The following BRAF variants were observed in gnomAD, a reference collection of about 807,000 sequenced individuals.
BRAF encodes the protein B-Raf proto-oncogene, serine/threonine kinase.
A neutral mutation model predicts 104.6 loss-of-function variants in BRAF; 16 were observed. That is an observed-to-expected ratio of 0.15 (90% CI 0.10 to 0.23). The LOEUF (loss-of-function observed/expected upper bound fraction) is 0.23. BRAF is among the 10% of genes least tolerant of loss of function. The pLI is 1.00. For synonymous variants in BRAF, 310 were observed against 341.6 expected, an observed-to-expected ratio of 0.91 and a Z score of 1.02; for missense variants, 541 against 937.3, an observed-to-expected ratio of 0.58 and a Z score of 5.52.
intron 18 of BRAF, among the ~76,000 whole-genome samples, chr7:140,739,005 G>A (rs1230268850): frequency 6.7e-6 from 1 of 149,950 alleles, no homozygotes; most frequent in Non-Finnish European, 1.5e-5. Flanking sequence ...CAAGAATTAG[G>A]TAAAGGCAGG....
chr7:140,906,036 C>T (rs1345751666), intron 1 of BRAF, among the ~76,000 whole-genome samples: 3 of 130,482 alleles, frequency 2.3e-5, no homozygotes, highest in South Asian at 2.5e-4. Flanking sequence ...TGCAGTGAGC[C>T]GAGATCCCGC....
At chr7:140,753,544 T>A in intron 15 of BRAF, 151 bp from the exon 15 acceptor site, 1 of 585,142 alleles carries the variant, frequency 1.7e-6, no homozygotes, top group Non-Finnish European at 3.0e-6. Flanking sequence ...TTAGAGTCAA[T>A]AAGTATGTCT....
chr7:140,832,840 G>A (rs1295710415), intron 3 of BRAF, among the ~76,000 whole-genome samples: 7 of 150,876 alleles, frequency 4.6e-5, no homozygotes, highest in South Asian at 2.1e-4. Context: ...AATTTCTCTT[G>A]GCCTCTCTCA....
chr7:140,722,170 G>C lies in BRAF; in HGVS notation c.*4324C>G. ...GTCACTGAACTATATTTGCAACCTA[G>C]TTGCTCTATGTGATAAATATATCTG... On this transcript the variant is annotated 3_prime_UTR_variant, in exon 20 of 20. Transcript: ENST00000644969. 3 of 1,061,326 alleles carry C rather than the reference G, an allele frequency of 2.8e-6. No individual in the cohort carries two copies. Among genetic ancestry groups the C allele is most frequent in the Non-Finnish European group, 3.4e-6 (3 of 876,754 alleles). The allele number at this position is 1,061,326 out of a possible 1,614,324, so 65.7% of individuals were successfully genotyped here. A position where few individuals can be genotyped will look rare whatever the true frequency, so the allele number is the denominator to read the frequency against.
At chr7:140,882,614 G>A (rs1450984718) in intron 1 of BRAF, among the ~76,000 whole-genome samples, 1 of 151,956 alleles carries the variant, frequency 6.6e-6, no homozygotes, top group Non-Finnish European at 1.5e-5. Context: ...CAGACCTTAG[G>A]TGATCTACCT....
downstream of BRAF, among the ~76,000 whole-genome samples, chr7:140,718,307 T>C (rs1795181429): frequency 6.6e-6 from 1 of 152,058 alleles, no homozygotes; most frequent in Non-Finnish European, 1.5e-5. Flanking sequence ...TTGCCCAGGC[T>C]GGAGTGCAAT....
At chr7:140,744,562 A>AAACTCTGC (rs1797195961) in intron 17 of BRAF, among the ~76,000 whole-genome samples, 1 of 152,242 alleles carries the variant, frequency 6.6e-6, no homozygotes, top group African/African-American at 2.4e-5. Flanking sequence ...GGGGACTACT[A>AAACTCTGC]AACTCTGCAT....
rs1795226116 is a variant in BRAF, at chr7:140,719,610, G to A, written c.*6884C>T. 9.4e-7 allele frequency: 1 copy of A among 1,062,090 alleles called. No individual in the cohort carries two copies. The highest frequency in any genetic ancestry group is 1.6e-5 in the African/African-American group (1 of 60,972). The allele number at this position is 1,062,090 out of a possible 1,614,324, so 65.8% of individuals were successfully genotyped here. A position where few individuals can be genotyped will look rare whatever the true frequency, so the allele number is the denominator to read the frequency against. Reference sequence around the variant, plus strand: ...ACCAAAGTATCAGGAAGTGGGTATGGGGGAGAATTAAAAAAAATAATAAAA... The same window carrying A: ...ACCAAAGTATCAGGAAGTGGGTATGAGGGAGAATTAAAAAAAATAATAAAA... On this transcript the variant is annotated 3_prime_UTR_variant, in exon 20 of 20. Transcript: ENST00000644969.
intron 1 of BRAF, among the ~76,000 whole-genome samples, chr7:140,891,584 G>A (rs1345982998): frequency 6.6e-6 from 1 of 152,046 alleles, no homozygotes; most frequent in Admixed American, 6.6e-5. Context: ...AGATATGGAG[G>A]GCCACTGTAG....
At chr7:140,872,506 C>T (rs1203144185) in intron 1 of BRAF, among the ~76,000 whole-genome samples, 1 of 152,026 alleles carries the variant, frequency 6.6e-6, no homozygotes, top group African/African-American at 2.4e-5. Context: ...AAGAATTTCT[C>T]CTTGAGCCAA....
chr7:140,739,156 C>T lies in BRAF; in HGVS notation c.2247+656G>A, dbSNP rs554300681. Among the ~76,000 whole-genome samples, 14 of 151,828 alleles carry T rather than the reference C, an allele frequency of 9.2e-5. No individual in the cohort carries two copies. The South Asian group carries it at 2.5e-3, about 27-fold the overall frequency. On this transcript the variant is annotated intron_variant, in intron 18 of 19. Coordinates refer to ENST00000644969, the MANE Select transcript of BRAF (RefSeq NM_001374258.1). ...AAGCAGTGGTTCACAAAATGTGGTC[C>T]GTGGACCACCAGGGGATCCACGAGG...
chr7:140,850,784 G>A (rs1375520981), intron 1 of BRAF, among the ~76,000 whole-genome samples: 7 of 152,128 alleles, frequency 4.6e-5, no homozygotes, highest in Non-Finnish European at 1.0e-4. Context: ...CAGGGGTTAG[G>A]TGGGCATAGA....
At chr7:140,753,788 A>G (rs1797979900) in intron 15 of BRAF, 1 of 311,486 alleles carries the variant, frequency 3.2e-6, no homozygotes, top group Admixed American at 4.8e-5. Context: ...GCACTTAGGG[A>G]AGAGAAATAT....
In BRAF at chr7:140,732,170, C is replaced by CA. The variant is rs61727494; in HGVS notation, c.2401+2446dup. On this transcript the variant is annotated intron_variant, in intron 19 of 19. Transcript: ENST00000644969. ...TGGGCGACAGAGCGAGACTCTGTCT[C>CA]AAAAAAAAAAAAAAAAAAAAAAAAA... The CA allele has an allele frequency of 2.0e-3, 48 of 23,692 alleles. 12 individuals are homozygous for CA. The highest frequency in any genetic ancestry group is 4.8e-3 in the Non-Finnish European group (36 of 7,522). The allele number at this position is 23,692 out of a possible 1,614,324, so 1.5% of individuals were successfully genotyped here.
At chr7:140,873,523 C>G (rs1355688486) in intron 1 of BRAF, among the ~76,000 whole-genome samples, 1 of 152,116 alleles carries the variant, frequency 6.6e-6, no homozygotes, top group East Asian at 1.9e-4. Flanking sequence ...GATGACTGAC[C>G]AATCTCTCCC....
At chr7:140,831,777 A>AAT (rs1343772673) in intron 3 of BRAF, among the ~76,000 whole-genome samples, 1 of 152,242 alleles carries the variant, frequency 6.6e-6, no homozygotes, top group East Asian at 1.9e-4. Context: ...ACTCACAACT[A>AAT]ACACACACCT....
At chr7:140,810,628 G>A (rs1015132245) in intron 3 of BRAF, among the ~76,000 whole-genome samples, 3 of 152,148 alleles carry the variant, frequency 2.0e-5, no homozygotes, top group African/African-American at 7.2e-5. Flanking sequence ...AGTTTGTCAT[G>A]AGAGACTGGG....
At chr7:140,802,377 A>C (rs980275878) in intron 5 of BRAF, among the ~76,000 whole-genome samples, 2 of 144,456 alleles carry the variant, frequency 1.4e-5, no homozygotes, top group Admixed American at 7.3e-5. Flanking sequence ...GGCTCACTGC[A>C]ACCTCCACCT....
intron 1 of BRAF, among the ~76,000 whole-genome samples, chr7:140,872,568 A>G (rs1811735625): frequency 6.6e-6 from 1 of 152,194 alleles, no homozygotes; most frequent in South Asian, 2.1e-4. Flanking sequence ...CAAAGAAAGA[A>G]TAAGAGCTGG....
Sources: allele counts gnomAD v4.1 joint callset (sites outside exome capture counted in the v4.1 genomes callset), GRCh38; gene constraint gnomAD v4.1.1; transcripts MANE v1.5; gene names NCBI Gene and HGNC (gene_info 2026-07-23, HGNC 2026-07-21).